Variants in SPATA9 observed in about 807,000 individuals in gnomAD.
The protein encoded by SPATA9 is spermatogenesis-associated protein 9.
Under a neutral mutation model 25.5 loss-of-function variants are expected in SPATA9, and 27 were observed. That is an observed-to-expected ratio of 1.06 (90% confidence interval 0.78 to 1.46). The LOEUF (loss-of-function observed/expected upper bound fraction) is 1.46, where lower values mean the gene tolerates loss of function less well. Ranked by LOEUF, SPATA9 falls within the 40% of genes most tolerant of loss-of-function variation. SPATA9 has a pLI of 0.00. For synonymous variants in SPATA9, 102 were observed against 105.7 expected, an observed-to-expected ratio of 0.97 and a Z score of 0.21; for missense variants, 282 against 297.5, an observed-to-expected ratio of 0.95 and a Z score of 0.38.
chr5:95,670,300 G>C (rs1214247738), intron 3 of SPATA9: 1 of 152,120 alleles, frequency 6.6e-6, no homozygotes, highest in African/African-American at 2.4e-5. Context: ...TCTAGTTATT[G>C]TTTGTGTCCT....
At chr5:95,707,424 C>G in the SPATA9 span, among the ~76,000 whole-genome samples, 1 of 151,870 alleles carries the variant, frequency 6.6e-6, no homozygotes, top group African/African-American at 2.4e-5. Flanking sequence ...GGCTAATGCT[C>G]AAAATTCTCT....
chr5:95,723,073 C>A, the SPATA9 span, among the ~76,000 whole-genome samples: 2 of 151,988 alleles, frequency 1.3e-5, no homozygotes. Context: ...AGCTGGATTT[C>A]ACATGTACAT....
chr5:95,676,088 C>T lies in SPATA9; in HGVS notation c.151-449G>A, dbSNP rs149100852. Among the ~76,000 whole-genome samples the T allele has an allele frequency of 9.5e-3, 1,445 of 152,236 alleles. 22 individuals are homozygous for T. The highest frequency in any genetic ancestry group is 0.033 in the African/African-American group (1,363 of 41,532). On this transcript the variant is annotated intron_variant, in intron 2 of 4. Transcript: ENST00000274432. Reference sequence around the variant, plus strand: ...CTGCCTGCCTCAGCCTCCCAAAGTACTGGGATTACAGGTGTGAGCCACCAC... The same window carrying T: ...CTGCCTGCCTCAGCCTCCCAAAGTATTGGGATTACAGGTGTGAGCCACCAC...
At position 95,682,619 on chromosome 5, in the gene SPATA9, A is replaced by G. The variant is rs748816832; in HGVS notation, c.62-3T>C. 3.1e-6 allele frequency: 5 copies of G among 1,607,014 alleles called. No homozygotes were observed. The Admixed American group carries it at 8.5e-5, about 27-fold the overall frequency. On this transcript the variant is annotated splice_region_variant and splice_polypyrimidine_tract_variant and intron_variant, in intron 1 of 4. Coordinates refer to ENST00000274432, the MANE Select transcript of SPATA9 (RefSeq NM_031952.4). Reference sequence around the variant, plus strand: ...GATTGCTTTCTGGATCCCCTCGACTAAGACAAAAAGAGGTTAGGAAAAAGA... The same window carrying G: ...GATTGCTTTCTGGATCCCCTCGACTGAGACAAAAAGAGGTTAGGAAAAAGA...
the SPATA9 span, among the ~76,000 whole-genome samples, chr5:95,716,373 T>C: frequency 6.6e-6 from 1 of 152,258 alleles, no homozygotes. Flanking sequence ...ATGTGAGACA[T>C]GGAGTCAAAA....
At chr5:95,652,329 C>A (rs1269091808), downstream of SPATA9, 18 of 1,550,570 alleles carry the variant, frequency 1.2e-5, no homozygotes, top group Non-Finnish European at 1.5e-5. Flanking sequence ...ACTTCCTCTC[C>A]AAGTGAGTCC....
At chr5:95,730,840 T>C in the SPATA9 span, 1 of 452,458 alleles carries the variant, frequency 2.2e-6, no homozygotes, top group African/African-American at 2.0e-5. Flanking sequence ...TTCTCACAAG[T>C]ATGATTTTAG....
At position 95,675,468 on chromosome 5, in the gene SPATA9, A is replaced by T. The variant is rs1159646484; in HGVS notation, c.322T>A (p.Ser108Thr). ...ACRLLELRDISGRLLREVNAP... is the reference protein window; with the variant it reads ...ACRLLELRDITGRLLREVNAP... ...TTAACTTCCCTCAGCAGACGACCAG[A>T]TATGTCCCTTAGCTCTAAAAGTCTG... Residue 108 changes from serine (S) to threonine (T), a missense_variant, in exon 3 of 5, where the codon TCT becomes ACT. Physicochemically the swap from Ser to Thr is moderately conservative, Grantham distance 58. Transcript: ENST00000274432. 3.1e-6 allele frequency: 5 copies of T among 1,614,020 alleles called. No homozygotes were observed. The African/African-American group carries it at 5.3e-5, about 17-fold the overall frequency.
the SPATA9 span, among the ~76,000 whole-genome samples, chr5:95,728,209 A>G: frequency 1.3e-5 from 2 of 152,202 alleles, no homozygotes; most frequent in South Asian, 2.1e-4. Context: ...TAGCTTAAGT[A>G]TCACCAGGTA....
At chr5:95,711,830 T>C in the SPATA9 span, among the ~76,000 whole-genome samples, 2 of 152,170 alleles carry the variant, frequency 1.3e-5, no homozygotes, top group Non-Finnish European at 2.9e-5. Context: ...AACTTAACCA[T>C]TGATTTTTAC....
chr5:95,683,884 A>G (rs536777283), upstream of SPATA9, among the ~76,000 whole-genome samples: 20 of 152,236 alleles, frequency 1.3e-4, no homozygotes, highest in African/African-American at 2.9e-4. Context: ...GGTTAACCTG[A>G]ATCCCATTCT....
chr5:95,658,206 A>G (rs1424893186), downstream of SPATA9: 1 of 149,136 alleles, frequency 6.7e-6, no homozygotes, highest in Non-Finnish European at 1.5e-5. Flanking sequence ...GGCAGACTCA[A>G]ACTCTCCAGT....
intron 3 of SPATA9, among the ~76,000 whole-genome samples, chr5:95,666,125 A>G (rs1751786177): frequency 6.6e-6 from 1 of 152,128 alleles, no homozygotes; most frequent in East Asian, 1.9e-4. Flanking sequence ...TATTATTATT[A>G]TCCTCATTCC....
chr5:95,685,475 G>A (rs191987773), upstream of SPATA9, among the ~76,000 whole-genome samples: 14 of 152,262 alleles, frequency 9.2e-5, no homozygotes, highest in East Asian at 2.7e-3. Flanking sequence ...CAAGGATTTG[G>A]ACTCGAAGTA....
chr5:95,675,785 G>T, intron 2 of SPATA9, 146 bp from the exon 3 acceptor site: 6 of 470,446 alleles, frequency 1.3e-5, no homozygotes, highest in South Asian at 2.5e-5. Context: ...GTCCCCCCAT[G>T]AAACCCCTTG....
At chr5:95,677,315 G>T (rs889762345) in intron 2 of SPATA9, among the ~76,000 whole-genome samples, 6 of 152,012 alleles carry the variant, frequency 3.9e-5, no homozygotes, top group Non-Finnish European at 8.8e-5. Flanking sequence ...CATGTAATAC[G>T]CACTCTATCT....
the SPATA9 span, among the ~76,000 whole-genome samples, chr5:95,705,837 A>G: frequency 6.6e-5 from 10 of 152,322 alleles, no homozygotes; most frequent in East Asian, 1.9e-3. Context: ...ATCTATCTCA[A>G]CAGAATTATA....
intron 1 of SPATA9, among the ~76,000 whole-genome samples, chr5:95,691,265 A>G (rs1833594): frequency 0.57 from 85,967 of 151,370 alleles, 24,594 homozygotes; most frequent in East Asian, 0.8. Context: ...TTCCATTAAC[A>G]CTTTATTTTT....
At chr5:95,728,123 C>A in the SPATA9 span, among the ~76,000 whole-genome samples, 3 of 152,172 alleles carry the variant, frequency 2.0e-5, no homozygotes, top group Non-Finnish European at 2.9e-5. Context: ...AGTTGAGAAA[C>A]GTCATTTAGC....
Sources: gnomAD v4.1 joint callset for allele counts (sites outside exome capture counted in the v4.1 genomes callset) on GRCh38, gnomAD v4.1.1 for gene constraint, MANE v1.5 for transcripts, NCBI Gene and HGNC (gene_info 2026-07-23, HGNC 2026-07-21) for gene names.